The following DCHS2 variants were observed in gnomAD, a reference collection of about 807,000 sequenced individuals.
The protein encoded by DCHS2 is protocadherin-23.
A neutral mutation model predicts 182.4 loss-of-function variants in DCHS2; 142 were observed. The ratio of observed to expected loss-of-function variants is 0.78; its 90% CI spans 0.68 to 0.89. The LOEUF is 0.89. Ranked by LOEUF, DCHS2 falls within the 40% of genes least tolerant of loss-of-function variation. The pLI, the probability that DCHS2 is intolerant of heterozygous loss-of-function variation, is 0.00. For synonymous variants in DCHS2, 1,740 were observed against 1,663.3 expected, an observed-to-expected ratio of 1.05 and a Z score of -1.12; for missense variants, 4,319 against 4,198.6, an observed-to-expected ratio of 1.03 and a Z score of -0.79.
chr4:154,242,642 C>T lies in DCHS2; in HGVS notation c.7072G>A (p.Asp2358Asn). The T allele has an allele frequency of 6.2e-7, 1 of 1,608,400 alleles. No homozygotes were observed. Among genetic ancestry groups the T allele is most frequent in the Non-Finnish European group, 8.5e-7 (1 of 1,178,074 alleles). The change falls in exon 17 of 20, where the codon GAT becomes AAT. Residue 2358 changes from aspartate (D) to asparagine (N), a missense_variant and splice_region_variant. Asp to Asn is a conservative substitution (Grantham distance 23). Transcript: ENST00000357232. ...LPSEAVEITE[D>N]SLPGVIVTHV... is the part of the protein sequence containing the mutation. ...CACTATGCCAAATTGTCACACTTACCTTCTGTAATTTCCACTGCTTCAGAG... is the reference window on the plus strand; with the variant it reads ...CACTATGCCAAATTGTCACACTTACTTTCTGTAATTTCCACTGCTTCAGAG...
At chr4:154,400,075 G>A (rs933739089) in intron 1 of DCHS2, among the ~76,000 whole-genome samples, 1 of 151,958 alleles carries the variant, frequency 6.6e-6, no homozygotes, top group African/African-American at 2.4e-5. Flanking sequence ...AGGCCGAGGC[G>A]GGCGGATCAC....
At chr4:154,293,159 A>C (rs6812671) in intron 13 of DCHS2, among the ~76,000 whole-genome samples, 91,247 of 151,872 alleles carry the variant, frequency 0.6, 27,885 homozygotes, top group Middle Eastern at 0.68. Flanking sequence ...TTCAACGATT[A>C]CCATTTAACT....
intron 10 of DCHS2, among the ~76,000 whole-genome samples, chr4:154,306,700 C>A (rs1735452770): frequency 6.6e-6 from 1 of 151,910 alleles, no homozygotes; most frequent in South Asian, 2.1e-4. Flanking sequence ...ATATATACAC[C>A]ATTTCATATT....
At chr4:154,342,804 C>T (rs1729170029) in intron 3 of DCHS2, among the ~76,000 whole-genome samples, 3 of 152,152 alleles carry the variant, frequency 2.0e-5, no homozygotes, top group Non-Finnish European at 4.4e-5. Flanking sequence ...GTTAACCTCC[C>T]TCCATGAATC....
intron 13 of DCHS2, among the ~76,000 whole-genome samples, chr4:154,282,370 A>G (rs188533839): frequency 1.2e-3 from 190 of 152,212 alleles, no homozygotes; most frequent in African/African-American, 4.5e-3. Context: ...AAATGAACAA[A>G]GGACTTGAAC....
rs1040428406 is a variant in DCHS2, at chr4:154,233,140, C to A, written c.*1396G>T. The A allele has an allele frequency of 1.3e-5, 2 of 152,244 alleles. No homozygotes were observed. The highest frequency in any genetic ancestry group is 1.5e-5 in the Non-Finnish European group (1 of 68,012). 9.4% of individuals were successfully genotyped at this position (152,244 alleles called of 1,614,324 possible). A position where few individuals can be genotyped will look rare whatever the true frequency, so the allele number is the denominator to read the frequency against. On this transcript the variant is annotated 3_prime_UTR_variant, in exon 20 of 20. Coordinates refer to ENST00000357232, the MANE Select transcript of DCHS2 (RefSeq NM_001358235.2). ...TAACTACTAAGAAAGCCACACGATACCCTTTAGATTTCACATTAGAATTCC... is the reference window on the plus strand; with the variant it reads ...TAACTACTAAGAAAGCCACACGATAACCTTTAGATTTCACATTAGAATTCC...
chr4:154,358,117 T>C (rs1444433971), intron 3 of DCHS2, among the ~76,000 whole-genome samples: 1 of 152,198 alleles, frequency 6.6e-6, no homozygotes. Flanking sequence ...TTGCATAAAG[T>C]CTCTGTGGAA....
intron 10 of DCHS2, among the ~76,000 whole-genome samples, chr4:154,312,502 T>A (rs905084593): frequency 6.6e-6 from 1 of 152,224 alleles, no homozygotes; most frequent in African/African-American, 2.4e-5. Context: ...TGAGCCATGA[T>A]TGGGCCACTG....
At chr4:154,304,944 A>T (rs902110861) in intron 11 of DCHS2, 66 bp from the exon 12 acceptor site, 14 of 1,527,054 alleles carry the variant, frequency 9.2e-6, no homozygotes, top group Non-Finnish European at 1.2e-5. Flanking sequence ...ATGTTGTTCT[A>T]ACTAGACAAT....
At chr4:154,384,494 C>T in intron 1 of DCHS2, 1 of 1,563,612 alleles carries the variant, frequency 6.4e-7, no homozygotes, top group South Asian at 1.2e-5. Context: ...GAATGCTGGC[C>T]TCCAAAAAAC....
At chr4:154,283,417 G>C (rs1734245593) in intron 13 of DCHS2, among the ~76,000 whole-genome samples, 3 of 144,280 alleles carry the variant, frequency 2.1e-5, no homozygotes, top group Middle Eastern at 3.8e-3. Flanking sequence ...AGAAATAATA[G>C]AGAAGCCAGA....
At chr4:154,289,554 A>G (rs1042218141) in intron 13 of DCHS2, among the ~76,000 whole-genome samples, 2 of 152,058 alleles carry the variant, frequency 1.3e-5, no homozygotes, top group South Asian at 2.1e-4. Context: ...TCCAAAAAAT[A>G]AAGCAAGAGA....
chr4:154,375,386 C>T (rs1427029230), intron 2 of DCHS2, among the ~76,000 whole-genome samples: 1 of 151,744 alleles, frequency 6.6e-6, no homozygotes, highest in Admixed American at 6.6e-5. Context: ...ATAGAAAAGG[C>T]CAGCCACGGA....
At chr4:154,358,667 C>T (rs1031893771) in intron 3 of DCHS2, among the ~76,000 whole-genome samples, 1 of 151,944 alleles carries the variant, frequency 6.6e-6, no homozygotes, top group East Asian at 1.9e-4. Context: ...GCTTGTTGTT[C>T]TATATTATAT....
At chr4:154,378,695 G>A (rs866570736) in intron 1 of DCHS2, among the ~76,000 whole-genome samples, 9 of 152,088 alleles carry the variant, frequency 5.9e-5, no homozygotes, top group East Asian at 1.9e-4. Flanking sequence ...TTTATGTAAC[G>A]GGCCAAAGGT....
chr4:154,341,945 A>G (rs1260092201), intron 3 of DCHS2, among the ~76,000 whole-genome samples: 2 of 152,148 alleles, frequency 1.3e-5, no homozygotes, highest in Non-Finnish European at 2.9e-5. Context: ...AAAGCATTAT[A>G]CTCAACTAAA....
chr4:154,346,003 G>T (rs546923367), intron 3 of DCHS2, among the ~76,000 whole-genome samples: 3 of 152,324 alleles, frequency 2.0e-5, no homozygotes, highest in East Asian at 3.9e-4. Flanking sequence ...TTCCTGGTTT[G>T]CAGACAGCCA....
intron 3 of DCHS2, chr4:154,352,369 C>A (rs1729661092): frequency 6.6e-6 from 1 of 152,058 alleles, no homozygotes; most frequent in African/African-American, 2.4e-5. Context: ...GTAGCCACCC[C>A]CTCTAATCGC....
rs1280161571 is a variant in DCHS2, at chr4:154,305,559, G to C, written c.5261-328C>G. 1.3e-5 allele frequency among the ~76,000 whole-genome samples: 2 copies of C among 152,126 alleles called. 1 individual carries two copies. The highest frequency in any genetic ancestry group is 2.9e-5 in the Non-Finnish European group (2 of 68,020). Reference sequence around the variant, plus strand: ...TACTCCTTCTAACACCTCTGATTGTGATTTAATGACTTAATTGTAAGCTTG... The same window carrying C: ...TACTCCTTCTAACACCTCTGATTGTCATTTAATGACTTAATTGTAAGCTTG... On this transcript the variant is annotated intron_variant, in intron 10 of 19. Transcript: ENST00000357232.
Sources: allele counts gnomAD v4.1 joint callset (sites outside exome capture counted in the v4.1 genomes callset), GRCh38; gene constraint gnomAD v4.1.1; transcripts MANE v1.5; gene names NCBI Gene and HGNC (gene_info 2026-07-23, HGNC 2026-07-21).